Variants in SIRPG observed in about 807,000 individuals in gnomAD.
The protein encoded by SIRPG is signal regulatory protein gamma, also known as signal-regulatory protein gamma.
SIRPG carries 38 observed loss-of-function variants against 35.7 expected under a neutral mutation model. That is an observed-to-expected ratio of 1.06 (90% CI 0.82 to 1.40). The LOEUF (loss-of-function observed/expected upper bound fraction) is 1.40. Among genes scored for constraint, SIRPG ranks in the 40% most tolerant of loss-of-function variants. The pLI is 0.00. For synonymous variants in SIRPG, 215 were observed against 190.4 expected (o/e 1.13, Z -1.06); for missense variants, 519 against 483.0 (o/e 1.07, Z -0.70).
At chr20:1,668,980 G>A in the SIRPG span, among the ~76,000 whole-genome samples, 6 of 152,330 alleles carry the variant, frequency 3.9e-5, no homozygotes, top group African/African-American at 1.4e-4. Context: ...TGAGGCTAAT[G>A]TCTTAGGGCA....
intron 2 of SIRPG, among the ~76,000 whole-genome samples, chr20:1,648,647 TAAATAAAAAA>T (rs943601593): frequency 8.6e-5 from 13 of 150,456 alleles, no homozygotes; most frequent in South Asian, 4.2e-4. Context: ...TAAAATAAAA[TAAATAAAAAA>T]AAATAAAAAA....
At chr20:1,655,440 CTG>C (rs1024129302) in intron 1 of SIRPG, among the ~76,000 whole-genome samples, 1 of 151,750 alleles carries the variant, frequency 6.6e-6, no homozygotes, top group African/African-American at 2.4e-5. Context: ...AAGACAAACA[CTG>C]TATGATTTCA....
At chr20:1,655,454 G>A (rs925840182) in intron 1 of SIRPG, among the ~76,000 whole-genome samples, 3 of 152,118 alleles carry the variant, frequency 2.0e-5, no homozygotes, top group Admixed American at 6.5e-5. Context: ...ATGATTTCAC[G>A]TATGAAGAAT....
chr20:1,682,956 A>C, the SIRPG span, among the ~76,000 whole-genome samples: 5 of 152,264 alleles, frequency 3.3e-5, no homozygotes, highest in Admixed American at 1.3e-4. Context: ...CAGAGTGAAG[A>C]GACAACATAC....
At chr20:1,675,345 C>T in the SIRPG span, among the ~76,000 whole-genome samples, 2 of 152,142 alleles carry the variant, frequency 1.3e-5, no homozygotes, top group African/African-American at 4.8e-5. Flanking sequence ...TGTGCTGAGA[C>T]CTGTCCTTTA....
At chr20:1,644,789 TG>T (rs2091884815) in intron 2 of SIRPG, among the ~76,000 whole-genome samples, 1 of 152,166 alleles carries the variant, frequency 6.6e-6, no homozygotes, top group South Asian at 2.1e-4. Flanking sequence ...CTCCCTTGGC[TG>T]GGGGGTGGGG....
intron 4 of SIRPG, among the ~76,000 whole-genome samples, chr20:1,634,414 A>G (rs2091775683): frequency 6.6e-6 from 1 of 151,556 alleles, no homozygotes; most frequent in South Asian, 2.1e-4. Context: ...TCACCGTGTT[A>G]ACCAGGATGG....
intron 5 of SIRPG, 125 bp from the exon 6 acceptor site, chr20:1,629,761 T>C (rs1201806225): frequency 1.2e-5 from 2 of 168,272 alleles, no homozygotes; most frequent in Admixed American, 1.2e-4. Context: ...GCAGTCCTGA[T>C]AGAACTCTGC....
At chr20:1,678,701 T>C in the SIRPG span, among the ~76,000 whole-genome samples, 1 of 152,124 alleles carries the variant, frequency 6.6e-6, no homozygotes, top group South Asian at 2.1e-4. Flanking sequence ...CTTGATAAAA[T>C]ACATGAATCT....
the SIRPG span, among the ~76,000 whole-genome samples, chr20:1,671,503 C>T: frequency 6.6e-6 from 1 of 152,140 alleles, no homozygotes. Flanking sequence ...CTGGAGAGTT[C>T]ACCAATCTCA....
chr20:1,684,695 T>C, the SIRPG span, among the ~76,000 whole-genome samples: 1 of 152,202 alleles, frequency 6.6e-6, no homozygotes, highest in Admixed American at 6.5e-5. Flanking sequence ...TAGCATAACA[T>C]GGCTAAAAGA....
chr20:1,635,357 C>T lies in SIRPG; in HGVS notation c.991G>A (p.Val331Met). ...ACCGCCAGCTGCCCATCATGCTTCA[C>T]CTGGCAGGTGAGGACCACATCATCC... ...QRDDVVLTCQ[V>M]KHDGQLAVSK... The change falls in exon 4 of 6, where the codon GTG becomes ATG. Residue 331 changes from valine to methionine, a missense_variant. Val to Met is a conservative substitution (Grantham distance 21). Coordinates refer to ENST00000303415, the MANE Select transcript of SIRPG (RefSeq NM_018556.4). 1 of 1,614,226 alleles carries T rather than the reference C, an allele frequency of 6.2e-7. No homozygotes were observed. The highest frequency in any genetic ancestry group is 8.5e-7 in the Non-Finnish European group (1 of 1,180,046).
At position 1,636,221 on chromosome 20, in the gene SIRPG, G is replaced by A. The variant is rs771425697; in HGVS notation, c.715C>T (p.Arg239Cys). 2.2e-5 allele frequency: 36 copies of A among 1,614,044 alleles called. No individual in the cohort carries two copies. The highest frequency in any genetic ancestry group is 4.0e-5 in the African/African-American group (3 of 74,920). The stretch of plus-strand genomic sequence containing the variant: ...GCCTCAGACAAGTTGGCAGTCCCAC[G>A]AAGAGGGTCCCCCTGCAAGGTGACA... Reference protein sequence around the residue: ...AHVTLQGDPLRGTANLSEAIR... With the variant: ...AHVTLQGDPLCGTANLSEAIR... Residue 239 changes from arginine (R) to cysteine (C), a missense_variant, in exon 3 of 6, where the codon CGT becomes TGT. Arg to Cys is a radical substitution (Grantham distance 180). Coordinates refer to ENST00000303415, the MANE Select transcript of SIRPG (RefSeq NM_018556.4).
chr20:1,684,479 G>A, the SIRPG span, among the ~76,000 whole-genome samples: 1 of 152,010 alleles, frequency 6.6e-6, no homozygotes, highest in African/African-American at 2.4e-5. Flanking sequence ...ACTATATAAA[G>A]ATGTTTTGTG....
chr20:1,633,124 C>A (rs138810279), intron 4 of SIRPG, among the ~76,000 whole-genome samples: 1 of 152,208 alleles, frequency 6.6e-6, no homozygotes, highest in Non-Finnish European at 1.5e-5. Flanking sequence ...CAACTCTACA[C>A]ACAAAAATAT....
At chr20:1,653,686 T>C (rs1352321168) in intron 1 of SIRPG, among the ~76,000 whole-genome samples, 1 of 152,062 alleles carries the variant, frequency 6.6e-6, no homozygotes, top group African/African-American at 2.4e-5. Context: ...TATTAACAGA[T>C]TGGAGGACTT....
the SIRPG span, chr20:1,676,773 C>T: frequency 4.7e-6 from 1 of 214,566 alleles, no homozygotes; most frequent in Non-Finnish European, 9.6e-6. Flanking sequence ...CTCTGAACCA[C>T]TGGACAGGCC....
chr20:1,664,312 C>T, the SIRPG span, among the ~76,000 whole-genome samples: 17 of 152,252 alleles, frequency 1.1e-4, no homozygotes, highest in African/African-American at 3.6e-4. Context: ...GGAAAGAGAA[C>T]TGTTTTTTTC....
chr20:1,653,536 C>T (rs1379566241), intron 1 of SIRPG, among the ~76,000 whole-genome samples: 1 of 152,102 alleles, frequency 6.6e-6, no homozygotes, highest in East Asian at 1.9e-4. Context: ...ATAGGCAGAC[C>T]TGTGTCACCT....
Sources: allele counts gnomAD v4.1 joint callset (sites outside exome capture counted in the v4.1 genomes callset), GRCh38; gene constraint gnomAD v4.1.1; transcripts MANE v1.5; gene names NCBI Gene and HGNC (gene_info 2026-07-23, HGNC 2026-07-21).